The following RMND5A variants were observed in gnomAD, a reference collection of about 807,000 sequenced individuals.
RMND5A encodes E3 ubiquitin-protein transferase RMND5A.
A neutral mutation model predicts 49.7 loss-of-function variants in RMND5A; 17 were observed. That is an observed-to-expected ratio of 0.34 (90% CI 0.23 to 0.51). RMND5A has a LOEUF of 0.51. Among genes scored for constraint, RMND5A ranks in the 20% least tolerant of loss-of-function variants. RMND5A has a pLI of 0.96. For missense variants in RMND5A, 255 were observed against 471.3 expected, an observed-to-expected ratio of 0.54 and a Z score of 4.25; for synonymous variants, 156 against 167.7, an observed-to-expected ratio of 0.93 and a Z score of 0.54.
Position 86,720,467 on chromosome 2 carries a change from G to A in RMND5A, c.-201G>A, listed in dbSNP as rs913280155. 10 of 232,472 alleles carry A rather than the reference G, an allele frequency of 4.3e-5. No individual in the cohort carries two copies. The highest frequency in any genetic ancestry group is 7.8e-5 in the Non-Finnish European group (10 of 127,458). 14.4% of individuals were successfully genotyped at this position (232,472 alleles called of 1,614,324 possible). A position where few individuals can be genotyped will look rare whatever the true frequency, so the allele number is the denominator to read the frequency against. ...GGGAGCAGCGGCGACTCGCCGGGGG[G>A]CTAGGGCGCCATGGGGCAGGCGGGC... On this transcript the variant is annotated 5_prime_UTR_variant, in exon 1 of 9. Transcript: ENST00000283632.
intron 4 of RMND5A, among the ~76,000 whole-genome samples, chr2:86,762,578 A>G (rs543766816): frequency 6.6e-6 from 1 of 150,912 alleles, no homozygotes; most frequent in South Asian, 2.1e-4. Flanking sequence ...CTGGGAGGCG[A>G]AGGTTGCAGT....
At chr2:86,762,903 G>A (rs923849265) in intron 4 of RMND5A, among the ~76,000 whole-genome samples, 2 of 151,332 alleles carry the variant, frequency 1.3e-5, no homozygotes, top group Admixed American at 6.6e-5. Context: ...AGCTGGGTGC[G>A]GTGGCGTGCA....
chr2:86,770,166 T>C (rs375410898), intron 7 of RMND5A, 41 bp downstream of exon 7: 7 of 1,317,946 alleles, frequency 5.3e-6, no homozygotes, highest in Non-Finnish European at 7.7e-6. Context: ...TTTACTGCCA[T>C]TAGAAGAATA....
At position 86,776,081 on chromosome 2, in the gene RMND5A, A is replaced by C. The variant is rs748625535; in HGVS notation, c.*2670A>C. ...TTAAATTTCCTTGGGAACCGTTTCC[A>C]CATATCAGTTATAGACAAAGGCCAT... On this transcript the variant is annotated 3_prime_UTR_variant, in exon 9 of 9. Coordinates refer to ENST00000283632, the MANE Select transcript of RMND5A (RefSeq NM_022780.4). The C allele has an allele frequency of 4.6e-5, 7 of 152,246 alleles. No individual in the cohort carries two copies. Among genetic ancestry groups the C allele is most frequent in the Non-Finnish European group, 8.8e-5 (6 of 68,042 alleles). 9.4% of individuals were successfully genotyped at this position (152,246 alleles called of 1,614,324 possible).
At chr2:86,769,916 A>C (rs1312533756) in intron 6 of RMND5A, 107 bp from the exon 7 acceptor site, 2 of 738,514 alleles carry the variant, frequency 2.7e-6, no homozygotes, top group Non-Finnish European at 4.8e-6. Context: ...CACCCTGTCC[A>C]GTGGCCAGGG....
At chr2:86,753,615 C>G in intron 4 of RMND5A, 57 bp downstream of exon 4, 1 of 866,070 alleles carries the variant, frequency 1.2e-6, no homozygotes, top group Non-Finnish European at 1.8e-6. Flanking sequence ...TAAGAAAACT[C>G]AATCAGAAAA....
chr2:86,745,944 G>A (rs1372777959), intron 2 of RMND5A, among the ~76,000 whole-genome samples: 1 of 152,198 alleles, frequency 6.6e-6, no homozygotes, highest in Non-Finnish European at 1.5e-5. Context: ...TGGTAATGTT[G>A]AAGGGGAACA....
At chr2:86,724,149 T>C (rs1237208890) in intron 1 of RMND5A, among the ~76,000 whole-genome samples, 3 of 144,860 alleles carry the variant, frequency 2.1e-5, no homozygotes, top group Non-Finnish European at 4.5e-5. Context: ...AGAACAATAA[T>C]GGAATATAAG....
intron 5 of RMND5A, 60 bp downstream of exon 5, chr2:86,765,253 T>C (rs1440357380): frequency 7.5e-7 from 1 of 1,335,278 alleles, no homozygotes; most frequent in Non-Finnish European, 1.0e-6. Context: ...CCACTGTAAC[T>C]TAACAGTTCT....
rs1243628467 is a variant in RMND5A, at chr2:86,721,077, G to C, written c.142+268G>C. On this transcript the variant is annotated intron_variant, in intron 1 of 8. Coordinates refer to ENST00000283632, the MANE Select transcript of RMND5A (RefSeq NM_022780.4). The stretch of plus-strand genomic sequence containing the variant: ...GCGGGCTCCAGTCCGGATAAACGTG[G>C]GTGAGGGGGCCGCCCATCGCACCTG... 5.1e-5 allele frequency: 17 copies of C among 336,150 alleles called. No homozygotes were observed. The South Asian group carries it at 8.1e-4, about 16-fold the overall frequency. The allele number at this position is 336,150 out of a possible 1,614,324, so 20.8% of individuals were successfully genotyped here. A position where few individuals can be genotyped will look rare whatever the true frequency, so the allele number is the denominator to read the frequency against.
intron 4 of RMND5A, among the ~76,000 whole-genome samples, chr2:86,755,330 G>A (rs757287719): frequency 1.5e-4 from 23 of 152,174 alleles, no homozygotes; most frequent in Non-Finnish European, 2.8e-4. Flanking sequence ...TGTCGCTCAG[G>A]CTGGTCTCAA....
intron 2 of RMND5A, among the ~76,000 whole-genome samples, chr2:86,744,923 G>A (rs1681511371): frequency 6.6e-6 from 1 of 151,934 alleles, no homozygotes. Context: ...TTGAACTCCT[G>A]GCCTCCCATT....
chr2:86,723,666 T>G (rs2104381758), intron 1 of RMND5A, among the ~76,000 whole-genome samples: 1 of 83,718 alleles, frequency 1.2e-5, no homozygotes, highest in East Asian at 3.2e-4. Context: ...ATGTTAAAAT[T>G]TTTTTTTCAT....
Position 86,720,559 on chromosome 2 carries a change from C to T in RMND5A, c.-109C>T, listed in dbSNP as rs1454745568. 1.2e-5 allele frequency: 12 copies of T among 1,024,384 alleles called. No individual in the cohort carries two copies. In the South Asian group the frequency reaches 5.2e-4, roughly 44 times the overall value. The allele number at this position is 1,024,384 out of a possible 1,614,324, so 63.5% of individuals were successfully genotyped here. A position where few individuals can be genotyped will look rare whatever the true frequency, so the allele number is the denominator to read the frequency against. On this transcript the variant is annotated 5_prime_UTR_variant, in exon 1 of 9. Transcript: ENST00000283632. ...CCGCCGCCTCGGCCGCCTCAGCCTC[C>T]CGCGCCGCCCGCTTGGGGAACGAGG... is the stretch of plus-strand genomic sequence containing the variant.
intron 1 of RMND5A, among the ~76,000 whole-genome samples, chr2:86,732,188 A>G (rs1681343016): frequency 7.5e-6 from 1 of 133,544 alleles, no homozygotes; most frequent in South Asian, 2.3e-4. Flanking sequence ...TTATAGACCA[A>G]ATTAGAACTT....
At chr2:86,747,311 A>G (rs1018213831) in intron 2 of RMND5A, among the ~76,000 whole-genome samples, 1 of 152,168 alleles carries the variant, frequency 6.6e-6, no homozygotes, top group Non-Finnish European at 1.5e-5. Context: ...GGAATTTCCC[A>G]TTTGTGCATT....
chr2:86,759,620 GC>G (rs1681810928), intron 4 of RMND5A, among the ~76,000 whole-genome samples: 1 of 141,992 alleles, frequency 7.0e-6, no homozygotes, highest in African/African-American at 2.6e-5. Flanking sequence ...TTGCCCCCCC[GC>G]CCCCCACCAT....
At chr2:86,765,678 C>T in intron 5 of RMND5A, 181 bp from the exon 6 acceptor site, 2 of 564,510 alleles carry the variant, frequency 3.5e-6, no homozygotes, top group Non-Finnish European at 6.2e-6. Context: ...TCCTTTTCTT[C>T]CCTTTTCTCT....
intron 6 of RMND5A, 86 bp from the exon 7 acceptor site, chr2:86,769,937 A>G (rs1573447130): frequency 1.1e-6 from 1 of 899,088 alleles, no homozygotes; most frequent in Non-Finnish European, 1.9e-6. Flanking sequence ...TCTGCAGCAC[A>G]TAGAGTCTGG....
Sources: allele counts gnomAD v4.1 joint callset (sites outside exome capture counted in the v4.1 genomes callset), GRCh38; gene constraint gnomAD v4.1.1; transcripts MANE v1.5; gene names NCBI Gene and HGNC (gene_info 2026-07-23, HGNC 2026-07-21).